MANBA: variants seen among roughly 807,000 people sequenced by gnomAD.
MANBA encodes mannosidase beta, also known as beta-mannosidase.
In MANBA, 83 loss-of-function variants were observed where a neutral mutation model predicts 111.1. That is an observed-to-expected ratio of 0.75 (90% CI 0.63 to 0.90). MANBA has a LOEUF of 0.90. Among genes scored for constraint, MANBA ranks in the 40% least tolerant of loss-of-function variants. The pLI is 0.00. For synonymous variants in MANBA, 370 were observed against 378.7 expected, an observed-to-expected ratio of 0.98 and a Z score of 0.27; for missense variants, 1,036 against 1,069.0, an observed-to-expected ratio of 0.97 and a Z score of 0.43.
intron 8 of MANBA, chr4:102,672,064 G>A: frequency 1.0e-5 from 4 of 398,720 alleles, no homozygotes; most frequent in Non-Finnish European, 1.8e-5. Flanking sequence ...GCTGGGAGGG[G>A]AGAGGAGCAT....
intron 1 of MANBA, among the ~76,000 whole-genome samples, chr4:102,749,530 A>G (rs1043633429): frequency 1.3e-5 from 2 of 152,242 alleles, no homozygotes; most frequent in Non-Finnish European, 2.9e-5. Context: ...CATCAGACAC[A>G]TTTAAATTAA....
At chr4:102,655,994 T>C (rs1730541435) in intron 12 of MANBA, among the ~76,000 whole-genome samples, 1 of 152,204 alleles carries the variant, frequency 6.6e-6, no homozygotes, top group African/African-American at 2.4e-5. Flanking sequence ...GGCTCACACC[T>C]GTAAGCCCAG....
At chr4:102,716,034 G>A (rs1722313059) in intron 4 of MANBA, among the ~76,000 whole-genome samples, 1 of 152,082 alleles carries the variant, frequency 6.6e-6, no homozygotes, top group Middle Eastern at 3.4e-3. Context: ...AGGAGGCCGG[G>A]CGCAGTGGCT....
chr4:102,709,426 A>G (rs1721952468), intron 5 of MANBA, among the ~76,000 whole-genome samples: 1 of 127,506 alleles, frequency 7.8e-6, no homozygotes, highest in African/African-American at 3.6e-5. Flanking sequence ...AAAGAGAAAG[A>G]GAGAGAGAGA....
intron 7 of MANBA, among the ~76,000 whole-genome samples, chr4:102,675,156 C>T (rs1172627237): frequency 1.3e-5 from 2 of 152,196 alleles, no homozygotes; most frequent in East Asian, 3.8e-4. Context: ...ATATCTAGAA[C>T]AGTGCATGGT....
At chr4:102,712,286 A>G (rs530519243) in intron 5 of MANBA, among the ~76,000 whole-genome samples, 2 of 152,352 alleles carry the variant, frequency 1.3e-5, no homozygotes, top group South Asian at 4.1e-4. Context: ...AATTTTAAGC[A>G]TCATTTAAAT....
chr4:102,754,762 T>C (rs752250384), intron 1 of MANBA, among the ~76,000 whole-genome samples: 10 of 152,166 alleles, frequency 6.6e-5, no homozygotes, highest in Non-Finnish European at 1.2e-4. Flanking sequence ...TTCACCGTAT[T>C]AGCCAGGATG....
At chr4:102,635,817 T>C (rs1208836522) in intron 15 of MANBA, 48 bp downstream of exon 15, 1 of 1,556,096 alleles carries the variant, frequency 6.4e-7, no homozygotes, top group East Asian at 2.2e-5. Context: ...ACTAAAGAAA[T>C]CATCTAAAAG....
chr4:102,634,751 C>G (rs958537032), intron 16 of MANBA, 37 bp downstream of exon 16: 7 of 1,612,066 alleles, frequency 4.3e-6, no homozygotes, highest in Non-Finnish European at 5.9e-6. Context: ...CCCCACAAGG[C>G]CACAGTCCCC....
chr4:102,634,981 A>G lies in MANBA; in HGVS notation c.2222T>C (p.Met741Thr), dbSNP rs1002505615. ...VCSRVTERFV[M>T]KGGEAVCLYE... ...AAGGCAGACAGCCTCTCCTCCTTTC[A>G]TCACAAAACGTTCAGTCACACGAGA... is the stretch of plus-strand genomic sequence containing the variant. The change falls in exon 16 of 17, where the codon ATG becomes ACG. Residue 741 changes from methionine (M) to threonine (T), a missense_variant. By Grantham distance (81) the Met-to-Thr change is moderately conservative (BLOSUM62 -1). Coordinates refer to ENST00000647097, the MANE Select transcript of MANBA (RefSeq NM_005908.4). 6.2e-7 allele frequency: 1 copy of G among 1,614,176 alleles called. No homozygotes were observed. The highest frequency in any genetic ancestry group is 8.5e-7 in the Non-Finnish European group (1 of 1,180,012).
chr4:102,734,455 A>T, intron 1 of MANBA: 1 of 1,605,938 alleles, frequency 6.2e-7, no homozygotes, highest in Non-Finnish European at 8.5e-7. Flanking sequence ...GCCATCTTCC[A>T]GCTCATCTGT....
chr4:102,676,588 A>C (rs566296272), intron 7 of MANBA, among the ~76,000 whole-genome samples: 1 of 152,160 alleles, frequency 6.6e-6, no homozygotes, highest in Non-Finnish European at 1.5e-5. Context: ...ATCTCATCTG[A>C]AATAATCATA....
At chr4:102,745,212 T>A (rs892122671) in intron 1 of MANBA, among the ~76,000 whole-genome samples, 6 of 152,224 alleles carry the variant, frequency 3.9e-5, no homozygotes, top group Admixed American at 3.9e-4. Context: ...CTTTCTTCAA[T>A]GCAGTTACCC....
chr4:102,695,835 T>C (rs1190472647), intron 5 of MANBA, among the ~76,000 whole-genome samples: 3 of 152,034 alleles, frequency 2.0e-5, no homozygotes, highest in African/African-American at 7.3e-5. Context: ...CCTTTCAGAG[T>C]CCTAAAGCCA....
At chr4:102,642,021 C>T (rs1405592678) in intron 13 of MANBA, among the ~76,000 whole-genome samples, 2 of 151,866 alleles carry the variant, frequency 1.3e-5, no homozygotes, top group African/African-American at 4.8e-5. Flanking sequence ...TAACATGGAC[C>T]TGAATCTATC....
chr4:102,658,475 C>A (rs971499103), intron 11 of MANBA, among the ~76,000 whole-genome samples: 6 of 152,180 alleles, frequency 3.9e-5, no homozygotes, highest in Admixed American at 3.3e-4. Flanking sequence ...GACTTTAAAT[C>A]TCAAATCTGA....
At chr4:102,729,421 C>T in intron 1 of MANBA, 1 of 1,230,198 alleles carries the variant, frequency 8.1e-7, no homozygotes, top group Non-Finnish European at 1.2e-6. Context: ...CAGGGAGCGG[C>T]TGTTGTCCAT....
At chr4:102,712,439 C>T (rs1722115630) in intron 5 of MANBA, among the ~76,000 whole-genome samples, 1 of 151,824 alleles carries the variant, frequency 6.6e-6, no homozygotes, top group Non-Finnish European at 1.5e-5. Context: ...TCAGGGTACC[C>T]AGAGCTTATA....
At chr4:102,656,609 T>G (rs1730568180) in intron 12 of MANBA, among the ~76,000 whole-genome samples, 1 of 152,150 alleles carries the variant, frequency 6.6e-6, no homozygotes, top group Non-Finnish European at 1.5e-5. Context: ...AAACATGTAT[T>G]CACACAAAAC....
Sources: allele counts gnomAD v4.1 joint callset (sites outside exome capture counted in the v4.1 genomes callset), GRCh38; gene constraint gnomAD v4.1.1; transcripts MANE v1.5; gene names NCBI Gene and HGNC (gene_info 2026-07-23, HGNC 2026-07-21).